Variants in GRIA1 observed in about 807,000 individuals in gnomAD.
GRIA1 encodes the protein glutamate receptor 1.
In GRIA1, 31 loss-of-function variants were observed where a neutral mutation model predicts 99.2. The ratio of observed to expected loss-of-function variants is 0.31; its 90% CI spans 0.23 to 0.42. GRIA1 has a LOEUF of 0.42. Ranked by LOEUF, GRIA1 falls within the 10% of genes least tolerant of loss-of-function variation. The pLI is 1.00. For missense variants in GRIA1, 782 were observed against 1,157.5 expected (o/e 0.68, Z 4.71); for synonymous variants, 438 against 432.4 (o/e 1.01, Z -0.16).
intron 13 of GRIA1, among the ~76,000 whole-genome samples, chr5:153,774,710 G>C (rs1764106853): frequency 6.6e-6 from 1 of 152,202 alleles, no homozygotes; most frequent in Non-Finnish European, 1.5e-5. Flanking sequence ...ATTTCTCCAA[G>C]ACAGATCACC....
chr5:153,636,549 G>A (rs915248746), intron 2 of GRIA1, among the ~76,000 whole-genome samples: 4 of 152,172 alleles, frequency 2.6e-5, no homozygotes, highest in African/African-American at 7.2e-5. Context: ...CACATGGCCC[G>A]CAAAACCTAA....
intron 2 of GRIA1, among the ~76,000 whole-genome samples, chr5:153,566,304 C>CTTTTTTTTTTTT (rs55872840): frequency 0.01 from 368 of 36,548 alleles, 137 homozygotes; most frequent in South Asian, 0.046. Flanking sequence ...AATTCCCTGC[C>CTTTTTTTTTTTT]TTTTTTTTTT....
intron 2 of GRIA1, among the ~76,000 whole-genome samples, chr5:153,592,761 A>G (rs1482935889): frequency 2.6e-5 from 4 of 152,194 alleles, no homozygotes; most frequent in Admixed American, 1.3e-4. Flanking sequence ...GGCTTAAACA[A>G]AAGATGTTTA....
chr5:153,635,458 C>T (rs990327168), intron 2 of GRIA1, among the ~76,000 whole-genome samples: 1 of 152,164 alleles, frequency 6.6e-6, no homozygotes, highest in African/African-American at 2.4e-5. Context: ...GTGCTAGTTC[C>T]CAAAGGCTGC....
intron 2 of GRIA1, among the ~76,000 whole-genome samples, chr5:153,594,982 C>A (rs1284646433): frequency 6.6e-6 from 1 of 151,968 alleles, no homozygotes; most frequent in Non-Finnish European, 1.5e-5. Flanking sequence ...CTTATTGACT[C>A]TACTCACTTC....
At chr5:153,496,995 C>A (rs1249185147) in intron 2 of GRIA1, among the ~76,000 whole-genome samples, 1 of 152,036 alleles carries the variant, frequency 6.6e-6, no homozygotes, top group African/African-American at 2.4e-5. Context: ...GTAATGGGAC[C>A]TGTTCATGCT....
chr5:153,757,788 A>C (rs1762926497), intron 11 of GRIA1, among the ~76,000 whole-genome samples: 1 of 152,232 alleles, frequency 6.6e-6, no homozygotes, highest in Admixed American at 6.5e-5. Flanking sequence ...AGACAGTCTT[A>C]CTAGAAATCT....
intron 2 of GRIA1, among the ~76,000 whole-genome samples, chr5:153,588,779 A>G (rs1265744211): frequency 1.3e-5 from 2 of 152,150 alleles, no homozygotes; most frequent in African/African-American, 4.8e-5. Context: ...CTTATCTAGT[A>G]TTTACTAGCT....
At chr5:153,799,893 T>C (rs1228303162) in intron 14 of GRIA1, among the ~76,000 whole-genome samples, 1 of 152,078 alleles carries the variant, frequency 6.6e-6, no homozygotes, top group Non-Finnish European at 1.5e-5. Context: ...CCCCCGTCCA[T>C]ATGAAAATCT....
At chr5:153,589,838 T>C (rs935788379) in intron 2 of GRIA1, among the ~76,000 whole-genome samples, 2 of 152,112 alleles carry the variant, frequency 1.3e-5, no homozygotes, top group African/African-American at 2.4e-5. Flanking sequence ...AATAATGTAC[T>C]GTATGGAAAA....
Position 153,547,198 on chromosome 5 carries a change from A to G in GRIA1, c.220+53133A>G, listed in dbSNP as rs531833635. Among the ~76,000 whole-genome samples the G allele has an allele frequency of 1.8e-3, 268 of 152,078 alleles. 1 individual carries two copies. Among genetic ancestry groups the G allele is most frequent in the African/African-American group, 6.3e-3 (260 of 41,470 alleles). ...TGATTTTTTTTTTAGCTCATCAGCT[A>G]TTGTTAGTGTTAGTGTATGTGATGT... On this transcript the variant is annotated intron_variant, in intron 2 of 15. Transcript: ENST00000285900.
At chr5:153,782,405 C>G (rs115740895) in intron 13 of GRIA1, among the ~76,000 whole-genome samples, 1,715 of 152,258 alleles carry the variant, frequency 0.011, 12 homozygotes, top group Non-Finnish European at 0.018. Flanking sequence ...TGTGTCTTAT[C>G]TAGACGGGAC....
rs1757959509 is a variant in GRIA1 at position 153,694,409 on chromosome 5, C to A, written c.1135-3635C>A. Among the ~76,000 whole-genome samples, 7 of 152,154 alleles carry A rather than the reference C, an allele frequency of 4.6e-5. No homozygotes were observed. In the South Asian group the frequency reaches 1.2e-3, roughly 27 times the overall value. On this transcript the variant is annotated intron_variant, in intron 8 of 15. Transcript: ENST00000285900. ...TGCTCTATAATGCATGCTTCTTTTG[C>A]AGATAATGTTCAACAGCAAATTGAA... is the stretch of plus-strand genomic sequence containing the variant.
chr5:153,717,483 G>A lies in GRIA1; in HGVS notation c.1823+11416G>A, dbSNP rs539799650. 8.5e-5 allele frequency among the ~76,000 whole-genome samples: 13 copies of A among 152,136 alleles called. No individual in the cohort carries two copies. In the South Asian group the frequency reaches 2.1e-3, roughly 24 times the overall value. ...TTGACAGGTACCATAGCTCAGCAAG[G>A]TGGGTTGAGCCATGCTACCTGTCAA... On this transcript the variant is annotated intron_variant, in intron 11 of 15. Coordinates refer to ENST00000285900, the MANE Select transcript of GRIA1 (RefSeq NM_000827.4).
Position 153,598,983 on chromosome 5 carries a change from G to A in GRIA1, c.221-47945G>A, listed in dbSNP as rs566222478. On this transcript the variant is annotated intron_variant, in intron 2 of 15. Coordinates refer to ENST00000285900, the MANE Select transcript of GRIA1 (RefSeq NM_000827.4). ...CGCAAGCTCCACCTCCCAGGTTCAT[G>A]CCATTCTCCTGCCTCAGCCTCCCGA... is the stretch of plus-strand genomic sequence containing the variant. Among the ~76,000 whole-genome samples, 5 of 152,272 alleles carry A rather than the reference G, an allele frequency of 3.3e-5. No homozygotes were observed. The South Asian group carries it at 1.0e-3, about 32-fold the overall frequency.
chr5:153,736,173 G>T (rs1008096812), intron 11 of GRIA1, among the ~76,000 whole-genome samples: 1 of 152,172 alleles, frequency 6.6e-6, no homozygotes, highest in African/African-American at 2.4e-5. Flanking sequence ...AGCCAGTGAG[G>T]TTACAAAAAC....
rs1403740693 is a variant in GRIA1 at position 153,813,046 on chromosome 5, C to T, written c.*1821C>T. ...GATTCTCTCAGTGGACCCACACCAT[C>T]TCTATGTCTCTCCACTCTCCTGCCT... On this transcript the variant is annotated 3_prime_UTR_variant, in exon 16 of 16. Transcript: ENST00000285900. The T allele has an allele frequency of 6.6e-6, 1 of 152,212 alleles. No individual in the cohort carries two copies. Among genetic ancestry groups the T allele is most frequent in the Admixed American group, 6.5e-5 (1 of 15,274 alleles). 9.4% of individuals were successfully genotyped at this position (152,212 alleles called of 1,614,324 possible).
intron 14 of GRIA1, among the ~76,000 whole-genome samples, chr5:153,798,593 C>T (rs1765792811): frequency 6.6e-6 from 1 of 152,220 alleles, no homozygotes; most frequent in African/African-American, 2.4e-5. Context: ...GAAACTGAAG[C>T]TTGGCCTGAA....
chr5:153,672,614 G>A (rs1212751056), intron 5 of GRIA1, among the ~76,000 whole-genome samples: 7 of 152,092 alleles, frequency 4.6e-5, no homozygotes, highest in Admixed American at 2.0e-4. Flanking sequence ...GAGGCATAGG[G>A]GTGGGGGAGG....
Sources: gnomAD v4.1 joint callset for allele counts (sites outside exome capture counted in the v4.1 genomes callset) on GRCh38, gnomAD v4.1.1 for gene constraint, MANE v1.5 for transcripts, NCBI Gene and HGNC (gene_info 2026-07-23, HGNC 2026-07-21) for gene names.